The following JADE1 variants were observed in gnomAD, a reference collection of about 807,000 sequenced individuals.
JADE1 encodes the protein jade family PHD finger 1, also known as protein Jade-1.
Under a neutral mutation model 81.8 loss-of-function variants are expected in JADE1, and 14 were observed. That is an observed-to-expected ratio of 0.17 (90% CI 0.11 to 0.27). The LOEUF is 0.27. Ranked by LOEUF, JADE1 falls within the 10% of genes least tolerant of loss-of-function variation. JADE1 has a pLI of 1.00. For synonymous variants in JADE1, 353 were observed against 391.9 expected (o/e 0.90, Z 1.17); for missense variants, 690 against 1,047.9 (o/e 0.66, Z 4.71).
At chr4:128,860,707 CTTG>C (rs1731247085) in intron 8 of JADE1, among the ~76,000 whole-genome samples, 1 of 152,202 alleles carries the variant, frequency 6.6e-6, no homozygotes, top group Non-Finnish European at 1.5e-5. Context: ...AGACCAGAGG[CTTG>C]TTGTCTGGAT....
chr4:128,814,572 T>C (rs1726816919), intron 1 of JADE1, among the ~76,000 whole-genome samples: 1 of 151,554 alleles, frequency 6.6e-6, no homozygotes, highest in South Asian at 2.1e-4. Flanking sequence ...TTTTTCTTTT[T>C]TTTTTTTTTT....
rs1325326286 is a variant in JADE1, at chr4:128,871,349, T to G, written c.1622-6T>G. ...TTTTTCTTTATTTGTGGTTTTATGT[T>G]TATAGGTGTGCCTTCTTCCTGCTCC... On this transcript the variant is annotated splice_polypyrimidine_tract_variant and splice_region_variant and intron_variant, in intron 10 of 10. Transcript: ENST00000226319. This position sits in a 1 kb window ranked among gnomAD's most constrained non-coding sequence, Gnocchi z 4.1. The G allele has an allele frequency of 6.2e-7, 1 of 1,609,742 alleles. No homozygotes were observed. Among genetic ancestry groups the G allele is most frequent in the East Asian group, 2.2e-5 (1 of 44,818 alleles).
intron 10 of JADE1, among the ~76,000 whole-genome samples, chr4:128,870,201 T>A (rs1732088360): frequency 1.3e-5 from 2 of 152,234 alleles, no homozygotes; most frequent in African/African-American, 4.8e-5. Flanking sequence ...TTGATTCTAA[T>A]GATTGATTCT....
chr4:128,824,497 C>T (rs960619303), intron 1 of JADE1, among the ~76,000 whole-genome samples: 1 of 152,100 alleles, frequency 6.6e-6, no homozygotes, highest in Non-Finnish European at 1.5e-5. Flanking sequence ...TCTGAAAATA[C>T]ATTCTTTAGT....
rs151149568 is a variant in JADE1 at position 128,852,220 on chromosome 4, C to T, written c.648C>T (p.Asp216=). ...TCTGCCAGTCTCCTGATGGTGAGGA[C>T]GGCAATGAGATGGTGTTCTGTGACA... The part of the protein sequence containing the change: ...CDVCQSPDGE[D]GNEMVFCDKC... Residue 216 remains aspartate, a synonymous_variant, in exon 6 of 11, where the codon GAC becomes GAT. Transcript: ENST00000226319. The T allele has an allele frequency of 5.5e-5, 89 of 1,614,000 alleles. No individual in the cohort carries two copies. Among genetic ancestry groups the T allele is most frequent in the Middle Eastern group, 3.3e-4 (2 of 6,058 alleles).
chr4:128,858,002 G>A (rs934124737), intron 8 of JADE1, among the ~76,000 whole-genome samples: 8 of 152,178 alleles, frequency 5.3e-5, no homozygotes, highest in African/African-American at 1.9e-4. Flanking sequence ...GGGTAGAGGG[G>A]CATCTGTGAG....
At chr4:128,835,205 G>A (rs1428525175) in intron 2 of JADE1, among the ~76,000 whole-genome samples, 1 of 152,226 alleles carries the variant, frequency 6.6e-6, no homozygotes, top group African/African-American at 2.4e-5. Context: ...ATAGTTGCTA[G>A]TAGAAGGTTG....
At chr4:128,841,073 T>A (rs1264327965) in intron 2 of JADE1, among the ~76,000 whole-genome samples, 1 of 152,254 alleles carries the variant, frequency 6.6e-6, no homozygotes, top group East Asian at 1.9e-4. Context: ...AAGGGTGCTT[T>A]GATTCTCTGT....
Position 128,809,935 on chromosome 4 carries a change from CGTGTCCGCGT to C in JADE1, c.-27+62_-27+71del, listed in dbSNP as rs1336181979. On this transcript the variant is annotated intron_variant, in intron 1 of 10. Coordinates refer to ENST00000226319, the MANE Select transcript of JADE1 (RefSeq NM_199320.4). ...TGGGCGCGCCGCGCGTGTGTCCGCG[CGTGTCCGCGT>C]GTGGGTCCGTGTGCGCGTCCCGGTC... is the stretch of plus-strand genomic sequence containing the variant. 4.0e-5 allele frequency: 6 copies of C among 149,494 alleles called. No individual in the cohort carries two copies. In the East Asian group the frequency reaches 1.2e-3, roughly 29 times the overall value. The allele number at this position is 149,494 out of a possible 1,614,324, so 9.3% of individuals were successfully genotyped here.
At chr4:128,843,186 G>A (rs1207556603) in intron 3 of JADE1, 148 bp downstream of exon 3, 2 of 628,610 alleles carry the variant, frequency 3.2e-6, no homozygotes, top group African/African-American at 1.8e-5. Context: ...GAACACAAGT[G>A]TCTACCTCAT....
chr4:128,841,347 A>G (rs1025371763), intron 2 of JADE1, among the ~76,000 whole-genome samples: 2 of 152,184 alleles, frequency 1.3e-5, no homozygotes, highest in Non-Finnish European at 2.9e-5. Context: ...TACGGCACCC[A>G]CAAATGGAAG....
intron 1 of JADE1, among the ~76,000 whole-genome samples, chr4:128,819,908 C>T (rs116202532): frequency 0.013 from 1,920 of 152,282 alleles, 50 homozygotes; most frequent in African/African-American, 0.044. Flanking sequence ...GAGTGCCCCT[C>T]CACCCACCTG....
chr4:128,859,690 C>T (rs767850613), intron 8 of JADE1, among the ~76,000 whole-genome samples: 104 of 152,200 alleles, frequency 6.8e-4, no homozygotes, highest in Admixed American at 2.1e-3. Flanking sequence ...AGAATTTATG[C>T]CCTTGCCTGA....
intron 10 of JADE1, among the ~76,000 whole-genome samples, chr4:128,870,915 G>A (rs1196158332): frequency 9.2e-5 from 14 of 152,084 alleles, no homozygotes; most frequent in Non-Finnish European, 2.1e-4. Context: ...TACAAGCCCC[G>A]AGCCCTGCTT....
At chr4:128,834,895 T>C (rs76519781) in intron 2 of JADE1, among the ~76,000 whole-genome samples, 5,885 of 151,906 alleles carry the variant, frequency 0.039, 321 homozygotes, top group African/African-American at 0.12. Context: ...ACTGTAATCC[T>C]GACACTTAGG....
intron 5 of JADE1, among the ~76,000 whole-genome samples, chr4:128,851,792 T>C (rs183624768): frequency 1.3e-5 from 2 of 152,202 alleles, no homozygotes; most frequent in Non-Finnish European, 2.9e-5. Flanking sequence ...GGCTCTTGAG[T>C]AGTTGGGACT....
intron 3 of JADE1, among the ~76,000 whole-genome samples, chr4:128,845,865 A>C (rs1445572162): frequency 6.6e-6 from 1 of 151,706 alleles, no homozygotes; most frequent in Non-Finnish European, 1.5e-5. Flanking sequence ...CAGAGGTTGC[A>C]GGGAGCCAAG....
chr4:128,842,306 C>CTT (rs1553946691), intron 2 of JADE1, among the ~76,000 whole-genome samples: 6 of 144,630 alleles, frequency 4.1e-5, no homozygotes, highest in Admixed American at 1.4e-4. Context: ...TTCTTTCTTT[C>CTT]TTTTTTTTTT....
intron 2 of JADE1, among the ~76,000 whole-genome samples, chr4:128,841,485 A>G (rs1729427380): frequency 6.6e-6 from 1 of 152,228 alleles, no homozygotes; most frequent in Admixed American, 6.5e-5. Context: ...AGAAGAGTCT[A>G]GGACAACTCT....
Sources: gnomAD v4.1 joint callset for allele counts (sites outside exome capture counted in the v4.1 genomes callset) on GRCh38, gnomAD v4.1.1 for gene constraint, Gnocchi (gnomAD v3.1) non-coding constraint, MANE v1.5 for transcripts, NCBI Gene and HGNC (gene_info 2026-07-23, HGNC 2026-07-21) for gene names.